Variants in PPFIA2 observed in about 807,000 individuals in gnomAD.
The protein encoded by PPFIA2 is liprin-alpha-2.
PPFIA2 carries 46 observed loss-of-function variants against 175.5 expected under a neutral mutation model. That is an observed-to-expected ratio of 0.26 (90% CI 0.21 to 0.34). PPFIA2 has a LOEUF of 0.34. PPFIA2 is among the 10% of genes least tolerant of loss of function. The pLI is 1.00. For synonymous variants in PPFIA2, 568 were observed against 511.4 expected (o/e 1.11, Z -1.49); for missense variants, 1,179 against 1,506.1 (o/e 0.78, Z 3.60).
rs1366894255 is a variant in PPFIA2 at position 81,259,415 on chromosome 12, A to G, written c.*279T>C. On this transcript the variant is annotated 3_prime_UTR_variant, in exon 33 of 33. Transcript: ENST00000549396. ...AAAACAACTGGCTTCATTTCATAAA[A>G]GCATCTGTTGTACAGAGTTTATGAT... The G allele has an allele frequency of 1.5e-6, 1 of 658,614 alleles. No homozygotes were observed. The highest frequency in any genetic ancestry group is 1.8e-5 in the African/African-American group (1 of 55,586). 40.8% of individuals were successfully genotyped at this position (658,614 alleles called of 1,614,324 possible). A position where few individuals can be genotyped will look rare whatever the true frequency, so the allele number is the denominator to read the frequency against.
intron 8 of PPFIA2, among the ~76,000 whole-genome samples, chr12:81,388,247 T>TA (rs1188355190): frequency 6.6e-6 from 1 of 152,138 alleles, no homozygotes; most frequent in African/African-American, 2.4e-5. Flanking sequence ...ACACACTTCT[T>TA]AAAAATAGAA....
intron 4 of PPFIA2, among the ~76,000 whole-genome samples, chr12:81,568,797 G>T (rs778819963): frequency 2.8e-4 from 43 of 152,130 alleles, no homozygotes; most frequent in Non-Finnish European, 4.9e-4. Context: ...GAGAGGAATA[G>T]ACTCTCTACC....
At chr12:81,419,953 C>T (rs918150284) in intron 7 of PPFIA2, among the ~76,000 whole-genome samples, 1 of 152,134 alleles carries the variant, frequency 6.6e-6, no homozygotes, top group Non-Finnish European at 1.5e-5. Flanking sequence ...AGCAGGAGGA[C>T]TTCAAAAGCT....
At chr12:81,627,403 T>C (rs571829152) in intron 4 of PPFIA2, among the ~76,000 whole-genome samples, 1 of 152,218 alleles carries the variant, frequency 6.6e-6, no homozygotes, top group South Asian at 2.1e-4. Context: ...ATGTACCCCA[T>C]AAATATGTGC....
chr12:81,532,227 G>A (rs1343529965), intron 4 of PPFIA2, among the ~76,000 whole-genome samples: 1 of 151,806 alleles, frequency 6.6e-6, no homozygotes, highest in East Asian at 1.9e-4. Context: ...CTTTGCAGCT[G>A]GAAGATTATA....
chr12:81,549,158 T>C (rs2067470643), intron 4 of PPFIA2, among the ~76,000 whole-genome samples: 1 of 152,048 alleles, frequency 6.6e-6, no homozygotes. Flanking sequence ...GGGAAGAGCG[T>C]TGGCATGTAT....
At chr12:81,329,855 G>A (rs1215287331) in intron 21 of PPFIA2, among the ~76,000 whole-genome samples, 4 of 152,216 alleles carry the variant, frequency 2.6e-5, no homozygotes, top group Admixed American at 1.3e-4. Flanking sequence ...TGCTTCCAGT[G>A]ATTAGACCCC....
chr12:81,535,869 G>A (rs2153314531), intron 4 of PPFIA2, among the ~76,000 whole-genome samples: 1 of 151,872 alleles, frequency 6.6e-6, no homozygotes, highest in African/African-American at 2.4e-5. Flanking sequence ...CATTCATGCT[G>A]CCTTTGTGGT....
chr12:81,698,763 T>TACACAC (rs67686939), intron 3 of PPFIA2, among the ~76,000 whole-genome samples: 3 of 132,008 alleles, frequency 2.3e-5, no homozygotes, highest in African/African-American at 7.6e-5. Flanking sequence ...TAGTCCTTTA[T>TACACAC]ACACACACAC....
intron 4 of PPFIA2, among the ~76,000 whole-genome samples, chr12:81,575,300 C>A (rs1257341116): frequency 1.3e-5 from 2 of 151,836 alleles, no homozygotes; most frequent in African/African-American, 4.8e-5. Context: ...ATTCTCACCA[C>A]TCCTCTCATC....
At chr12:81,679,310 C>T (rs1402864381) in intron 3 of PPFIA2, among the ~76,000 whole-genome samples, 1 of 151,764 alleles carries the variant, frequency 6.6e-6, no homozygotes, top group Non-Finnish European at 1.5e-5. Context: ...GGAGTTAATA[C>T]ATGTCTTTCT....
chr12:81,613,365 G>A (rs1043260965), intron 4 of PPFIA2, among the ~76,000 whole-genome samples: 1 of 152,100 alleles, frequency 6.6e-6, no homozygotes, highest in Non-Finnish European at 1.5e-5. Context: ...ATTATTAGAT[G>A]TTGAACTTCA....
At chr12:81,578,990 A>T (rs2074009918) in intron 4 of PPFIA2, among the ~76,000 whole-genome samples, 1 of 151,864 alleles carries the variant, frequency 6.6e-6, no homozygotes, top group South Asian at 2.1e-4. Flanking sequence ...TTTAAAAATA[A>T]TGCTCATTTT....
In PPFIA2 at chr12:81,642,817, C is replaced by CATGT. The variant is rs1555549974; in HGVS notation, c.303+33970_303+33973dup. ...TGTATATGTATGTATGTATTACATA[C>CATGT]ATGTATATGTATGTATGTATTACAT... On this transcript the variant is annotated intron_variant, in intron 4 of 32. Coordinates refer to ENST00000549396, the MANE Select transcript of PPFIA2 (RefSeq NM_003625.5). 8.7e-4 allele frequency among the ~76,000 whole-genome samples: 24 copies of CATGT among 27,580 alleles called. 8 individuals carry two copies. In the South Asian group the frequency reaches 0.016, roughly 18 times the overall value. 18.1% of individuals were successfully genotyped at this position (27,580 alleles called of 152,430 possible). A position where few individuals can be genotyped will look rare whatever the true frequency, so the allele number is the denominator to read the frequency against.
At position 81,436,262 on chromosome 12, in the gene PPFIA2, C is replaced by A. The variant is rs1003980262; in HGVS notation, c.645+3710G>T. 9.4e-5 allele frequency among the ~76,000 whole-genome samples: 10 copies of A among 106,876 alleles called. No individual in the cohort carries two copies. In the East Asian group the frequency reaches 2.7e-3, roughly 29 times the overall value. 70.1% of individuals were successfully genotyped at this position (106,876 alleles called of 152,430 possible). On this transcript the variant is annotated intron_variant, in intron 7 of 32. Transcript: ENST00000549396. Reference sequence around the variant, plus strand: ...TGCCACTGCACTCCAGCCTGGGCAACAGAGTGAGACCCTGTCTAAAAAAAA... The same window carrying A: ...TGCCACTGCACTCCAGCCTGGGCAAAAGAGTGAGACCCTGTCTAAAAAAAA...
At chr12:81,725,252 T>G (rs2079910621) in intron 3 of PPFIA2, among the ~76,000 whole-genome samples, 1 of 150,906 alleles carries the variant, frequency 6.6e-6, no homozygotes, top group Non-Finnish European at 1.5e-5. Context: ...AATGAGTAAG[T>G]TTTTTTCCCC....
chr12:81,563,529 C>T (rs2070648925), intron 4 of PPFIA2, among the ~76,000 whole-genome samples: 1 of 152,156 alleles, frequency 6.6e-6, no homozygotes, highest in Non-Finnish European at 1.5e-5. Context: ...CCAAAATCCT[C>T]TTCTTAGTTC....
chr12:81,349,170 T>C (rs147229790), intron 17 of PPFIA2, among the ~76,000 whole-genome samples: 1 of 152,226 alleles, frequency 6.6e-6, no homozygotes, highest in Admixed American at 6.5e-5. Context: ...CTTCACTAAC[T>C]ATTCTGCAAA....
intron 9 of PPFIA2, among the ~76,000 whole-genome samples, chr12:81,380,822 T>C (rs916434535): frequency 6.6e-6 from 1 of 152,122 alleles, no homozygotes; most frequent in Non-Finnish European, 1.5e-5. Flanking sequence ...TTGCCAGTTG[T>C]GAGGAATTTG....
Sources: allele counts gnomAD v4.1 joint callset (sites outside exome capture counted in the v4.1 genomes callset), GRCh38; gene constraint gnomAD v4.1.1; transcripts MANE v1.5; gene names NCBI Gene and HGNC (gene_info 2026-07-23, HGNC 2026-07-21).